Variants in ACBD4 observed in about 807,000 individuals in gnomAD.
The protein encoded by ACBD4 is acyl-CoA binding domain containing 4, also known as acyl-CoA-binding domain-containing protein 4.
In ACBD4, 41 loss-of-function variants were observed where a neutral mutation model predicts 46.0. That is an observed-to-expected ratio of 0.89 (90% CI 0.69 to 1.16). The LOEUF is 1.16. Ranked by LOEUF, ACBD4 falls within the 50% of genes most tolerant of loss-of-function variation. The pLI is 0.00. For missense variants in ACBD4, 393 were observed against 399.5 expected (o/e 0.98, Z 0.14); for synonymous variants, 162 against 155.9 (o/e 1.04, Z -0.29).
Position 45,136,624 on chromosome 17 carries a change from A to T in ACBD4, c.209+4A>T, listed in dbSNP as rs774961769. The T allele has an allele frequency of 1.1e-5, 17 of 1,613,822 alleles. No homozygotes were observed. In the Admixed American group the frequency reaches 2.8e-4, roughly 27 times the overall value. ...ACCCCATTGGACGATATAAGTGGTG[A>T]GCTCCCTGCTGGCTGGGCAGACAAG... On this transcript the variant is annotated splice_donor_region_variant and intron_variant, in intron 3 of 9. Transcript: ENST00000321854.
Position 45,143,658 on chromosome 17 carries a change from A to G in ACBD4, c.*87A>G. The G allele has an allele frequency of 6.2e-7, 1 of 1,606,710 alleles. No individual in the cohort carries two copies. The highest frequency in any genetic ancestry group is 1.1e-5 in the South Asian group (1 of 90,624). On this transcript the variant is annotated 3_prime_UTR_variant, in exon 10 of 10. Coordinates refer to ENST00000321854, the MANE Select transcript of ACBD4 (RefSeq NM_001135705.3). The stretch of plus-strand genomic sequence containing the variant: ...AGGGTTTAGAAGAACAGCATTCAAA[A>G]TTCCCCGTCCTGTCAGTGTTTGCCT...
chr17:45,135,596 G>T (rs2291447), upstream of ACBD4: 70,969 of 154,056 alleles, frequency 0.46, 16,733 homozygotes, highest in South Asian at 0.54. Flanking sequence ...GGTTGAGGTA[G>T]GTAAGCCGAA....
chr17:45,142,416 A>AG (rs2055341212), intron 9 of ACBD4, among the ~76,000 whole-genome samples: 2 of 146,788 alleles, frequency 1.4e-5, no homozygotes, highest in Non-Finnish European at 3.0e-5. Context: ...AAAAAAAAAA[A>AG]AAAGAAAGAA....
At chr17:45,133,925 C>T (rs577811030), upstream of ACBD4, among the ~76,000 whole-genome samples, 25 of 152,166 alleles carry the variant, frequency 1.6e-4, no homozygotes, top group Non-Finnish European at 2.2e-4. Flanking sequence ...CCTGGTTTAC[C>T]CTTTTGTTAT....
At chr17:45,136,460 G>A (rs749188178) in intron 2 of ACBD4, 40 bp from the exon 3 acceptor site, 83 of 1,596,060 alleles carry the variant, frequency 5.2e-5, no homozygotes, top group Non-Finnish European at 6.8e-5. Flanking sequence ...CTTGGAGCTG[G>A]GAGTGATGCT....
Position 45,137,933 on chromosome 17 carries a change from A to T in ACBD4, c.594A>T (p.Ala198=). 1.9e-6 allele frequency: 3 copies of T among 1,610,732 alleles called. No individual in the cohort carries two copies. Among genetic ancestry groups the T allele is most frequent in the Non-Finnish European group, 2.5e-6 (3 of 1,178,708 alleles). ...AGCAGGTTTGGACAGAGCAGCGGGC[A>T]GCATCTGGAGGAAAGCGTGATCCCA... ...EPELVWTEQR[A]ASGGKRDPRN... The change falls in exon 8 of 10, where the codon GCA becomes GCT. Residue 198 remains alanine (A), a synonymous_variant. Coordinates refer to ENST00000321854, the MANE Select transcript of ACBD4 (RefSeq NM_001135705.3).
At chr17:45,132,040 A>C (rs986557535), upstream of ACBD4, among the ~76,000 whole-genome samples, 4 of 152,104 alleles carry the variant, frequency 2.6e-5, no homozygotes, top group Admixed American at 1.3e-4. This position sits in a 1 kb window ranked among gnomAD's most constrained non-coding sequence, Gnocchi z 4.6. Flanking sequence ...TGGGAAGCAA[A>C]GAACACCCTG....
Position 45,139,031 on chromosome 17 carries a change from G to T in ACBD4, c.660G>T (p.Arg220=). 2 of 1,613,154 alleles carry T rather than the reference G, an allele frequency of 1.2e-6. No individual in the cohort carries two copies. The highest frequency in any genetic ancestry group is 1.7e-6 in the Non-Finnish European group (2 of 1,179,988). The change falls in exon 9 of 10, where the codon CGG becomes CGT. Residue 220 remains arginine, a synonymous_variant. Coordinates refer to ENST00000321854, the MANE Select transcript of ACBD4 (RefSeq NM_001135705.3). ...PVPPTKKEGL[R]GSPPGPQELD... The stretch of plus-strand genomic sequence containing the variant: ...GTCTGTGCTCCGCAGAGGGGTTGCG[G>T]GGCAGCCCGCCGGGGCCCCAGGAGT...
upstream of ACBD4, chr17:45,132,559 T>TGGGGC (rs899936580): frequency 2.4e-4 from 3 of 12,322 alleles, no homozygotes; most frequent in African/African-American, 1.0e-3. This position sits in a 1 kb window ranked among gnomAD's most constrained non-coding sequence, Gnocchi z 4.6. Flanking sequence ...CAGCAGGAGG[T>TGGGGC]GGGGCGGGGC....
At chr17:45,135,234 G>T (rs980092909), upstream of ACBD4, 4 of 152,212 alleles carry the variant, frequency 2.6e-5, no homozygotes, top group Non-Finnish European at 1.5e-5. Flanking sequence ...CCAAAGTTCT[G>T]GGATTACAGG....
In ACBD4 at chr17:45,136,601, C is replaced by T; in HGVS notation, c.190C>T (p.Pro64Ser). ...GGTCCCCCGGCCCGGGTTCTGGGACCCCATTGGACGATATAAGTGGTGAGC... is the reference window on the plus strand; with the variant it reads ...GGTCCCCCGGCCCGGGTTCTGGGACTCCATTGGACGATATAAGTGGTGAGC... ...CLVPRPGFWD[P>S]IGRYKWDAWN... The change falls in exon 3 of 10, where the codon CCC becomes TCC. Residue 64 changes from proline (P) to serine (S), a missense_variant. Around this residue, in one of 3 missense-constraint regions of ACBD4, gnomAD observed 24 missense variants for 47.4 expected, o/e 0.51. Transcript: ENST00000321854. 1 of 1,613,866 alleles carries T rather than the reference C, an allele frequency of 6.2e-7. No individual in the cohort carries two copies. Among genetic ancestry groups the T allele is most frequent in the Non-Finnish European group, 8.5e-7 (1 of 1,179,924 alleles).
Position 45,136,221 on chromosome 17 carries a change from T to G in ACBD4, c.77T>G (p.Leu26Arg). 2 of 1,613,444 alleles carry G rather than the reference T, an allele frequency of 1.2e-6. No homozygotes were observed. The highest frequency in any genetic ancestry group is 1.7e-6 in the Non-Finnish European group (2 of 1,179,742). Residue 26 changes from leucine to arginine, a missense_variant, in exon 2 of 10, where the codon CTG becomes CGG. Leu to Arg is a moderately radical substitution (Grantham distance 102, BLOSUM62 -2). Coordinates refer to ENST00000321854, the MANE Select transcript of ACBD4 (RefSeq NM_001135705.3). ...FQAAVSVIQN[L>R]PKNGSYRPSY... ...GCTGCAGTGAGCGTCATCCAGAACC[T>G]GCCCAAGAACGGTGAGGCTGCGGGG...
chr17:45,138,825 C>T (rs2055063229), intron 8 of ACBD4, among the ~76,000 whole-genome samples, 196 bp from the exon 9 acceptor site: 1 of 151,858 alleles, frequency 6.6e-6, no homozygotes, highest in Non-Finnish European at 1.5e-5. Context: ...TGATCTGTGT[C>T]ATAAGCGGCC....
In ACBD4 at chr17:45,135,881, A is replaced by G; in HGVS notation, c.-110A>G. 2.2e-6 allele frequency: 1 copy of G among 456,726 alleles called. No individual in the cohort carries two copies. 28.3% of individuals were successfully genotyped at this position (456,726 alleles called of 1,614,324 possible). A position where few individuals can be genotyped will look rare whatever the true frequency, so the allele number is the denominator to read the frequency against. Reference sequence around the variant, plus strand: ...CTAAAGGAGGCGCATCTGGGGACGGACACATCTGGCACTGAGGCCCTCGCC... The same window carrying G: ...CTAAAGGAGGCGCATCTGGGGACGGGCACATCTGGCACTGAGGCCCTCGCC... On this transcript the variant is annotated 5_prime_UTR_variant, in exon 1 of 10. Coordinates refer to ENST00000321854, the MANE Select transcript of ACBD4 (RefSeq NM_001135705.3).
chr17:45,137,528 C>T lies in ACBD4; in HGVS notation c.502+74C>T, dbSNP rs1404034643. 43 of 1,530,666 alleles carry T rather than the reference C, an allele frequency of 2.8e-5. 1 individual carries two copies. The highest frequency in any genetic ancestry group is 2.6e-4 in the South Asian group (23 of 88,938). 94.8% of individuals were successfully genotyped at this position (1,530,666 alleles called of 1,614,324 possible). A position where few individuals can be genotyped will look rare whatever the true frequency, so the allele number is the denominator to read the frequency against. On this transcript the variant is annotated intron_variant, in intron 6 of 9. Coordinates refer to ENST00000321854, the MANE Select transcript of ACBD4 (RefSeq NM_001135705.3). The stretch of plus-strand genomic sequence containing the variant: ...CTGGAGGGGAGAAGGCTGGATGCCA[C>T]GCTGTGCCCTCCACAGACACTGAGA...
At chr17:45,139,473 C>T (rs569344256) in intron 9 of ACBD4, among the ~76,000 whole-genome samples, 3 of 152,268 alleles carry the variant, frequency 2.0e-5, no homozygotes, top group Admixed American at 6.5e-5. Flanking sequence ...ATTGAGGATG[C>T]GGGTCCCTAT....
intron 4 of ACBD4, 47 bp from the exon 5 acceptor site, chr17:45,136,968 GAGGA>G (rs1598073994): frequency 6.2e-7 from 1 of 1,611,146 alleles, no homozygotes; most frequent in Non-Finnish European, 8.5e-7. Context: ...CAGGAGCAGG[GAGGA>G]AGGGACAGGA....
upstream of ACBD4, chr17:45,132,233 T>TTGCCCGGGCTGTCAC (rs2054469507): frequency 3.2e-6 from 4 of 1,265,642 alleles, no homozygotes; most frequent in Admixed American, 3.4e-5. This position sits in a 1 kb window ranked among gnomAD's most constrained non-coding sequence, Gnocchi z 4.6. Flanking sequence ...CCACCGCCCC[T>TTGCCCGGGCTGTCAC]TGCCCGTCAC....
Position 45,139,001 on chromosome 17 carries a change from T to G in ACBD4, c.650-20T>G. 1.9e-6 allele frequency: 3 copies of G among 1,611,530 alleles called. No homozygotes were observed. The highest frequency in any genetic ancestry group is 2.5e-6 in the Non-Finnish European group (3 of 1,179,796). On this transcript the variant is annotated intron_variant, in intron 8 of 9. Transcript: ENST00000321854. ...GAATTGCCTCCTGAGCCCCCTTCCC[T>G]GTGTGTCTGTGCTCCGCAGAGGGGT...
Sources: allele counts gnomAD v4.1 joint callset (sites outside exome capture counted in the v4.1 genomes callset), GRCh38; gene constraint gnomAD v4.1.1; regional missense constraint gnomAD v4.1.1; non-coding constraint Gnocchi (gnomAD v3.1); transcripts MANE v1.5; gene names NCBI Gene and HGNC (gene_info 2026-07-23, HGNC 2026-07-21).